RASGEF1C: variants seen among roughly 807,000 people sequenced by gnomAD.
RASGEF1C encodes RasGEF domain family member 1C.
A neutral mutation model predicts 58.1 loss-of-function variants in RASGEF1C; 27 were observed. The observed-to-expected ratio is 0.46, with a 90% CI of 0.34 to 0.64. RASGEF1C has a LOEUF of 0.64. Among genes scored for constraint, RASGEF1C ranks in the 30% least tolerant of loss-of-function variants. RASGEF1C has a pLI of 0.01. For synonymous variants in RASGEF1C, 243 were observed against 246.3 expected (o/e 0.99, Z 0.13); for missense variants, 502 against 605.1 (o/e 0.83, Z 1.79).
intron 12 of RASGEF1C, among the ~76,000 whole-genome samples, chr5:180,107,838 T>C (rs1582258759): frequency 6.6e-6 from 1 of 152,172 alleles, no homozygotes. Flanking sequence ...GTCAGGCTGG[T>C]CTCGAATTCC....
chr5:180,190,489 C>CAAAAAA (rs869186264), intron 1 of RASGEF1C, among the ~76,000 whole-genome samples: 47 of 77,572 alleles, frequency 6.1e-4, no homozygotes, highest in African/African-American at 2.0e-3. Context: ...GACTCCGTCT[C>CAAAAAA]AAAAAAAAAA....
intron 5 of RASGEF1C, among the ~76,000 whole-genome samples, chr5:180,128,098 C>G (rs545737428): frequency 6.6e-6 from 1 of 152,358 alleles, no homozygotes; most frequent in South Asian, 2.1e-4. Context: ...TTAGTTTCCT[C>G]TGTGTACAGG....
At position 180,158,488 on chromosome 5, in the gene RASGEF1C, A is replaced by C. The variant is rs943330260; in HGVS notation, c.-6-20430T>G. 1.1e-4 allele frequency among the ~76,000 whole-genome samples: 16 copies of C among 152,192 alleles called. No individual in the cohort carries two copies. Among genetic ancestry groups the C allele is most frequent in the Non-Finnish European group, 1.9e-4 (13 of 68,034 alleles). On this transcript the variant is annotated intron_variant, in intron 1 of 13. Coordinates refer to ENST00000361132, the MANE Select transcript of RASGEF1C (RefSeq NM_175062.4). This position sits in a 1 kb window ranked among gnomAD's most constrained non-coding sequence, Gnocchi z 4.0. ...TAGTTTATAGTTCAGCAAGGCATAG[A>C]ATTCTAGATCTGTGCTCGTTTGTCT...
chr5:180,101,845 G>C (rs1217283340), intron 13 of RASGEF1C, among the ~76,000 whole-genome samples: 2 of 152,186 alleles, frequency 1.3e-5, no homozygotes, highest in South Asian at 2.1e-4. Context: ...CACCAGCCGT[G>C]GGGGAGTCAC....
chr5:180,184,496 G>C (rs1054877849), intron 1 of RASGEF1C, among the ~76,000 whole-genome samples: 10 of 152,086 alleles, frequency 6.6e-5, no homozygotes, highest in Non-Finnish European at 1.3e-4. Context: ...AGAATCGCTT[G>C]AACCCGGGAG....
chr5:180,184,832 C>T (rs991508769), intron 1 of RASGEF1C, among the ~76,000 whole-genome samples: 1 of 152,198 alleles, frequency 6.6e-6, no homozygotes, highest in South Asian at 2.1e-4. Flanking sequence ...GACAAAGGGT[C>T]ATCCATAAAG....
At chr5:180,136,852 C>A in intron 3 of RASGEF1C, 1 of 316,862 alleles carries the variant, frequency 3.2e-6, no homozygotes, top group East Asian at 7.1e-5. Flanking sequence ...CCAATCAGAG[C>A]AGGCATACGC....
At chr5:180,129,610 A>T (rs551488513) in intron 4 of RASGEF1C, among the ~76,000 whole-genome samples, 6 of 152,280 alleles carry the variant, frequency 3.9e-5, no homozygotes, top group African/African-American at 1.4e-4. Context: ...TCAAAATCGC[A>T]TGAAGGAAAA....
rs1411354352 is a variant in RASGEF1C, at chr5:180,112,151, AG to A, written c.1180-572del. On this transcript the variant is annotated intron_variant, in intron 11 of 13. Transcript: ENST00000361132. ...GGATCAATTCAGGAAGGGCTAAGGC[AG>A]GGGGTTCCCACGCCTGGCTCTGGGC... is the stretch of plus-strand genomic sequence containing the variant. Among the ~76,000 whole-genome samples, 4 of 152,160 alleles carry A rather than the reference AG, an allele frequency of 2.6e-5. No homozygotes were observed. The East Asian group carries it at 7.7e-4, about 29-fold the overall frequency.
At chr5:180,178,863 T>C (rs1767274612) in intron 1 of RASGEF1C, among the ~76,000 whole-genome samples, 1 of 151,664 alleles carries the variant, frequency 6.6e-6, no homozygotes, top group Non-Finnish European at 1.5e-5. Context: ...AGGGGACAGC[T>C]GGTCTAAAAT....
At chr5:180,152,855 G>A (rs1055866375) in intron 1 of RASGEF1C, among the ~76,000 whole-genome samples, 5 of 150,766 alleles carry the variant, frequency 3.3e-5, no homozygotes, top group Non-Finnish European at 5.9e-5. Context: ...AAGTTGCAGT[G>A]GGCCGAGATT....
intron 1 of RASGEF1C, among the ~76,000 whole-genome samples, chr5:180,152,587 T>A (rs370343169): frequency 7.5e-6 from 1 of 133,046 alleles, no homozygotes; most frequent in Non-Finnish European, 1.6e-5. Flanking sequence ...GGGGGAGGGA[T>A]AGCATTAGGA....
intron 1 of RASGEF1C, among the ~76,000 whole-genome samples, chr5:180,182,408 C>G (rs1225487287): frequency 1.3e-5 from 2 of 151,890 alleles, no homozygotes; most frequent in African/African-American, 2.4e-5. Flanking sequence ...TGAGCAGCCG[C>G]AAGATTTATT....
chr5:180,138,000 G>C lies in RASGEF1C; in HGVS notation c.53C>G (p.Pro18Arg), dbSNP rs763312688. 6 of 1,575,428 alleles carry C rather than the reference G, an allele frequency of 3.8e-6. No individual in the cohort carries two copies. The highest frequency in any genetic ancestry group is 5.1e-6 in the Non-Finnish European group (6 of 1,167,430). ...SDMVTPGSLS[P>R]PPTEPTDGEQ... ...GCCATCTGTGGGCTCGGTGGGGGGT[G>C]GGCTGAGGCTGCCTGGGGTGACCAT... Residue 18 changes from proline to arginine, a missense_variant, in exon 2 of 14, where the codon CCA becomes CGA. By Grantham distance (103) the Pro-to-Arg change is moderately radical. Transcript: ENST00000361132. The surrounding 1 kb of genome is among the most constrained non-coding windows in gnomAD (Gnocchi z 4.1).
intron 4 of RASGEF1C, among the ~76,000 whole-genome samples, chr5:180,132,099 C>T (rs899639016): frequency 6.6e-6 from 1 of 152,204 alleles, no homozygotes; most frequent in African/African-American, 2.4e-5. Context: ...CCGAGCATGT[C>T]AAGGCATCCC....
chr5:180,114,584 C>T (rs775024415), intron 10 of RASGEF1C, 43 bp from the exon 11 acceptor site: 1 of 1,570,882 alleles, frequency 6.4e-7, no homozygotes, highest in South Asian at 1.1e-5. Context: ...CGGCCCTCCA[C>T]ACAGCGGGCT....
At chr5:180,124,348 A>G (rs1221312817) in intron 6 of RASGEF1C, among the ~76,000 whole-genome samples, 1 of 152,218 alleles carries the variant, frequency 6.6e-6, no homozygotes. Context: ...GATCAGGGTA[A>G]GAGAAACAAA....
At chr5:180,127,575 C>G (rs2113265312) in intron 6 of RASGEF1C, 34 bp downstream of exon 6, 1 of 1,577,114 alleles carries the variant, frequency 6.3e-7, no homozygotes. Flanking sequence ...CTGGGTGAGG[C>G]TCACTTTTGG....
intron 11 of RASGEF1C, among the ~76,000 whole-genome samples, chr5:180,113,748 A>C (rs1163129504): frequency 6.1e-5 from 9 of 148,278 alleles, no homozygotes; most frequent in Non-Finnish European, 9.0e-5. Context: ...GGGACCGGGG[A>C]TGGACGGAGG....
Sources: gnomAD v4.1 joint callset for allele counts (sites outside exome capture counted in the v4.1 genomes callset) on GRCh38, gnomAD v4.1.1 for gene constraint, Gnocchi (gnomAD v3.1) non-coding constraint, MANE v1.5 for transcripts, NCBI Gene and HGNC (gene_info 2026-07-23, HGNC 2026-07-21) for gene names.